CCDC60: variants seen among roughly 807,000 people sequenced by gnomAD.
The protein encoded by CCDC60 is coiled-coil domain containing 60, also known as coiled-coil domain-containing protein 60.
Under a neutral mutation model 63.5 loss-of-function variants are expected in CCDC60, and 54 were observed. The ratio of observed to expected loss-of-function variants is 0.85; its 90% CI spans 0.68 to 1.07. The LOEUF (loss-of-function observed/expected upper bound fraction) is 1.07, where lower values mean the gene tolerates loss of function less well. Ranked by LOEUF, CCDC60 falls within the 50% of genes least tolerant of loss-of-function variation. CCDC60 has a pLI of 0.00. For synonymous variants in CCDC60, 206 were observed against 238.8 expected, an observed-to-expected ratio of 0.86 and a Z score of 1.27; for missense variants, 651 against 684.3, an observed-to-expected ratio of 0.95 and a Z score of 0.54.
chr12:119,360,275 G>A (rs1955765485), intron 1 of CCDC60, among the ~76,000 whole-genome samples: 1 of 150,190 alleles, frequency 6.7e-6, no homozygotes, highest in Non-Finnish European at 1.5e-5. Context: ...GGACGGGGCG[G>A]CTGGCCGGGC....
intron 7 of CCDC60, among the ~76,000 whole-genome samples, chr12:119,515,110 C>A (rs1031417494): frequency 1.3e-5 from 2 of 152,240 alleles, no homozygotes; most frequent in Admixed American, 6.5e-5. Flanking sequence ...CACACAATGA[C>A]AAAATCGCCT....
At chr12:119,432,827 A>G (rs1017846041) in intron 2 of CCDC60, among the ~76,000 whole-genome samples, 4 of 152,246 alleles carry the variant, frequency 2.6e-5, no homozygotes, top group Non-Finnish European at 5.9e-5. Flanking sequence ...CACAGCTATT[A>G]TTAGAAATTA....
chr12:119,386,108 C>T (rs1229849128), intron 1 of CCDC60, among the ~76,000 whole-genome samples: 1 of 152,142 alleles, frequency 6.6e-6, no homozygotes, highest in African/African-American at 2.4e-5. Context: ...ATTATGATCC[C>T]TGAAGGCGGC....
chr12:119,532,175 TC>T lies in CCDC60; in HGVS notation c.1551+1113del, dbSNP rs11366504. Among the ~76,000 whole-genome samples the T allele has an allele frequency of 7.5e-3, 1,149 of 152,198 alleles. 14 individuals are homozygous for T. The highest frequency in any genetic ancestry group is 0.026 in the African/African-American group (1,095 of 41,528). Reference sequence around the variant, plus strand: ...CCCGTGAGGCTCCTTCAGGAAAGATTCTAGCAGGTTTGGCCAAAACTAACTC... The same window carrying T: ...CCCGTGAGGCTCCTTCAGGAAAGATTTAGCAGGTTTGGCCAAAACTAACTC... On this transcript the variant is annotated intron_variant, in intron 13 of 13. Transcript: ENST00000327554.
chr12:119,392,013 T>C (rs1292280322), intron 1 of CCDC60, among the ~76,000 whole-genome samples: 1 of 152,156 alleles, frequency 6.6e-6, no homozygotes, highest in Non-Finnish European at 1.5e-5. Flanking sequence ...TCTGGAAGTA[T>C]TCAGCAATCT....
chr12:119,407,608 A>G (rs1394412919), intron 1 of CCDC60, among the ~76,000 whole-genome samples: 1 of 152,212 alleles, frequency 6.6e-6, no homozygotes, highest in Non-Finnish European at 1.5e-5. Flanking sequence ...CCAATTAAGA[A>G]AGCCCGAGAT....
chr12:119,341,134 G>A (rs1955527878), intron 1 of CCDC60, among the ~76,000 whole-genome samples: 1 of 152,220 alleles, frequency 6.6e-6, no homozygotes, highest in South Asian at 2.1e-4. Flanking sequence ...ATGGCCTAAT[G>A]CTTTGGACAG....
At chr12:119,385,808 C>T (rs1956053916) in intron 1 of CCDC60, among the ~76,000 whole-genome samples, 1 of 152,202 alleles carries the variant, frequency 6.6e-6, no homozygotes, top group Non-Finnish European at 1.5e-5. Context: ...CTGCCAGTCG[C>T]TGCTCCCCCT....
At chr12:119,425,135 T>C (rs1956879365) in intron 1 of CCDC60, among the ~76,000 whole-genome samples, 1 of 152,222 alleles carries the variant, frequency 6.6e-6, no homozygotes, top group South Asian at 2.1e-4. Flanking sequence ...GTTTCAATCA[T>C]GTGTTTTCAA....
chr12:119,466,590 T>C lies in CCDC60; in HGVS notation c.171-5404T>C, dbSNP rs548300918. Among the ~76,000 whole-genome samples the C allele has an allele frequency of 7.9e-5, 12 of 152,306 alleles. No homozygotes were observed. The South Asian group carries it at 8.3e-4, about 11-fold the overall frequency. On this transcript the variant is annotated intron_variant, in intron 2 of 13. Transcript: ENST00000327554. ...CCCTTCTGCCCTATATCTGGGCAAG[T>C]TGATAAGAAAGCCCAGGTGCACCCT...
chr12:119,512,112 T>C (rs1381236743), intron 7 of CCDC60, among the ~76,000 whole-genome samples: 2 of 152,162 alleles, frequency 1.3e-5, no homozygotes, highest in Non-Finnish European at 2.9e-5. Flanking sequence ...ATTGCATTAA[T>C]ATGCAAAGGT....
intron 4 of CCDC60, among the ~76,000 whole-genome samples, chr12:119,485,247 G>T (rs2136364079): frequency 6.6e-6 from 1 of 152,372 alleles, no homozygotes; most frequent in South Asian, 2.1e-4. Context: ...CCAGTAGATG[G>T]CAAAGCTAGA....
At chr12:119,402,152 G>C (rs977723393) in intron 1 of CCDC60, among the ~76,000 whole-genome samples, 15 of 152,118 alleles carry the variant, frequency 9.9e-5, no homozygotes, top group African/African-American at 3.6e-4. Flanking sequence ...ATGTTGTGTT[G>C]ATTCTCCATC....
At chr12:119,450,009 C>G (rs190385981) in intron 2 of CCDC60, among the ~76,000 whole-genome samples, 49 of 152,218 alleles carry the variant, frequency 3.2e-4, no homozygotes, top group Non-Finnish European at 2.6e-4. Flanking sequence ...TTCCCCATAA[C>G]AAAGTCAAGG....
At chr12:119,397,317 T>C (rs923760933) in intron 1 of CCDC60, among the ~76,000 whole-genome samples, 3 of 152,174 alleles carry the variant, frequency 2.0e-5, no homozygotes, top group African/African-American at 7.2e-5. Flanking sequence ...TATTCCCTTA[T>C]CTGGCCCTAC....
chr12:119,431,248 C>T (rs1006582723), intron 2 of CCDC60, among the ~76,000 whole-genome samples: 1 of 152,078 alleles, frequency 6.6e-6, no homozygotes, highest in Non-Finnish European at 1.5e-5. Context: ...AATCAGTATC[C>T]CCGAGCATAA....
At chr12:119,338,866 A>G (rs1955502118) in intron 1 of CCDC60, among the ~76,000 whole-genome samples, 1 of 152,080 alleles carries the variant, frequency 6.6e-6, no homozygotes, top group Non-Finnish European at 1.5e-5. Context: ...ATAATGAATG[A>G]CTGTTGGAAA....
At chr12:119,344,389 G>T (rs1955565375) in intron 1 of CCDC60, among the ~76,000 whole-genome samples, 1 of 152,156 alleles carries the variant, frequency 6.6e-6, no homozygotes. Flanking sequence ...GTACCCAGTT[G>T]TTCAAGTAGA....
intron 2 of CCDC60, among the ~76,000 whole-genome samples, chr12:119,461,403 C>T (rs1950854524): frequency 6.6e-6 from 1 of 152,170 alleles, no homozygotes. Flanking sequence ...ATCGCCCATA[C>T]TGCTCCTCAA....
Sources: allele counts gnomAD v4.1 joint callset (sites outside exome capture counted in the v4.1 genomes callset), GRCh38; gene constraint gnomAD v4.1.1; transcripts MANE v1.5; gene names NCBI Gene and HGNC (gene_info 2026-07-23, HGNC 2026-07-21).